Variants in KAZN observed in about 807,000 individuals in gnomAD.
KAZN encodes the protein kazrin, periplakin interacting protein.
In KAZN, 40 loss-of-function variants were observed where a neutral mutation model predicts 87.4. That is an observed-to-expected ratio of 0.46 (90% CI 0.36 to 0.60). The LOEUF (loss-of-function observed/expected upper bound fraction) is 0.60. KAZN is among the 20% of genes least tolerant of loss of function. The probability of loss-of-function intolerance (pLI) is 0.00; values close to 1 mark genes in which losing one functional copy is unlikely to be tolerated. For missense variants in KAZN, 898 were observed against 1,073.9 expected (o/e 0.84, Z 2.29); for synonymous variants, 466 against 458.3 (o/e 1.02, Z -0.22).
At chr1:14,961,725 C>A (rs916577961) in intron 2 of KAZN, among the ~76,000 whole-genome samples, 6 of 152,212 alleles carry the variant, frequency 3.9e-5, no homozygotes, top group Non-Finnish European at 7.3e-5. Flanking sequence ...AGCTTTGCAA[C>A]CTTCTTTCCA....
intron 2 of KAZN, among the ~76,000 whole-genome samples, chr1:14,312,698 CA>C (rs536198400): frequency 2.6e-5 from 4 of 152,020 alleles, no homozygotes; most frequent in Non-Finnish European, 5.9e-5. Context: ...GATGAGATAT[CA>C]CTTGAATGAT....
chr1:15,041,125 ATTT>A (rs376156652), intron 3 of KAZN, among the ~76,000 whole-genome samples: 40 of 139,090 alleles, frequency 2.9e-4, no homozygotes, highest in Non-Finnish European at 4.4e-4. Flanking sequence ...GAATTTTTGT[ATTT>A]TTTTTTTTTT....
intron 1 of KAZN, among the ~76,000 whole-genome samples, chr1:14,861,264 C>T (rs1572671628): frequency 1.3e-5 from 2 of 152,204 alleles, no homozygotes; most frequent in Admixed American, 1.3e-4. Flanking sequence ...CTGTAGTCCC[C>T]CCTACTTGGG....
intron 2 of KAZN, among the ~76,000 whole-genome samples, chr1:14,436,133 G>A (rs754898358): frequency 1.3e-5 from 2 of 152,076 alleles, no homozygotes; most frequent in Non-Finnish European, 2.9e-5. Flanking sequence ...GGAGGCTGAG[G>A]CAGGAGACTC....
chr1:14,541,568 G>A (rs1017723180), intron 2 of KAZN, among the ~76,000 whole-genome samples: 7 of 152,100 alleles, frequency 4.6e-5, no homozygotes, highest in African/African-American at 9.7e-5. Context: ...TCAACCCTTC[G>A]TGCTTCCTCT....
intron 1 of KAZN, among the ~76,000 whole-genome samples, chr1:14,713,266 C>A (rs1642585772): frequency 6.6e-6 from 1 of 152,210 alleles, no homozygotes; most frequent in African/African-American, 2.4e-5. Context: ...TCTGCTTGTT[C>A]CATGGGTGCT....
At chr1:14,330,974 G>C (rs1478887521) in intron 2 of KAZN, among the ~76,000 whole-genome samples, 3 of 151,916 alleles carry the variant, frequency 2.0e-5, no homozygotes, top group Non-Finnish European at 4.4e-5. Context: ...ATTGGTGTGT[G>C]TACACAAAGG....
At chr1:15,084,241 GA>G (rs1281429344) in intron 8 of KAZN, among the ~76,000 whole-genome samples, 2 of 152,214 alleles carry the variant, frequency 1.3e-5, no homozygotes, top group Non-Finnish European at 2.9e-5. Context: ...AATATGGAAA[GA>G]CTTGGCTGAT....
At chr1:15,045,897 C>T (rs1381774171) in intron 4 of KAZN, among the ~76,000 whole-genome samples, 2 of 152,228 alleles carry the variant, frequency 1.3e-5, no homozygotes, top group Non-Finnish European at 2.9e-5. Context: ...CCTGGTCCTT[C>T]CCTTGACACG....
At chr1:14,465,492 C>A (rs1455945280) in intron 2 of KAZN, among the ~76,000 whole-genome samples, 1 of 151,598 alleles carries the variant, frequency 6.6e-6, no homozygotes, top group Non-Finnish European at 1.5e-5. Flanking sequence ...ACTTGGAGCA[C>A]CTGCATAGCT....
intron 1 of KAZN, among the ~76,000 whole-genome samples, chr1:14,824,899 C>T (rs1646840088): frequency 6.6e-6 from 1 of 152,250 alleles, no homozygotes; most frequent in South Asian, 2.1e-4. Flanking sequence ...CCCTTCTAGG[C>T]TCTACATTTA....
chr1:14,556,468 T>A (rs1277531694), intron 2 of KAZN, among the ~76,000 whole-genome samples: 1 of 152,144 alleles, frequency 6.6e-6, no homozygotes, highest in Non-Finnish European at 1.5e-5. Flanking sequence ...GAAAATTAAA[T>A]TTTTAGACAG....
intron 2 of KAZN, among the ~76,000 whole-genome samples, chr1:14,387,359 A>T (rs1174545722): frequency 6.6e-6 from 1 of 152,206 alleles, no homozygotes; most frequent in Non-Finnish European, 1.5e-5. Context: ...CTGGTGAGGA[A>T]CTGCGTTCCT....
intron 4 of KAZN, among the ~76,000 whole-genome samples, chr1:15,045,741 A>G (rs917954093): frequency 6.6e-6 from 1 of 152,202 alleles, no homozygotes; most frequent in African/African-American, 2.4e-5. Flanking sequence ...AAGGAGAAAC[A>G]AGGCACCTTC....
chr1:14,417,006 A>G (rs1382788360), intron 2 of KAZN, among the ~76,000 whole-genome samples: 3 of 68,270 alleles, frequency 4.4e-5, no homozygotes, highest in Non-Finnish European at 6.4e-5. Flanking sequence ...GTATGTATAT[A>G]TATGTACACA....
intron 2 of KAZN, among the ~76,000 whole-genome samples, chr1:15,007,686 C>G (rs566052354): frequency 2.6e-5 from 4 of 152,178 alleles, no homozygotes; most frequent in Admixed American, 6.5e-5. Flanking sequence ...CTCACCTGCC[C>G]GCCTCCATAA....
chr1:14,883,355 A>AAAAGAAAGAAAGAG (rs1653624782), intron 1 of KAZN, among the ~76,000 whole-genome samples: 1 of 20,600 alleles, frequency 4.9e-5, no homozygotes, highest in African/African-American at 1.5e-4. Context: ...AGAAAGAAAG[A>AAAAGAAAGAAAGAG]AAAGAAAGAA....
chr1:14,039,143 C>T (rs1412407019), intron 1 of KAZN, among the ~76,000 whole-genome samples: 1 of 148,442 alleles, frequency 6.7e-6, no homozygotes, highest in Non-Finnish European at 1.5e-5. Flanking sequence ...TGCACTCCAG[C>T]CTGGCGTCAG....
intron 1 of KAZN, among the ~76,000 whole-genome samples, chr1:14,935,629 AG>A (rs1660363302): frequency 6.6e-6 from 1 of 152,186 alleles, no homozygotes; most frequent in Non-Finnish European, 1.5e-5. Flanking sequence ...CCACTGAGCA[AG>A]GTGGCTCTAG....
Sources: allele counts gnomAD v4.1 joint callset (sites outside exome capture counted in the v4.1 genomes callset), GRCh38; gene constraint gnomAD v4.1.1; transcripts MANE v1.5; gene names NCBI Gene and HGNC (gene_info 2026-07-23, HGNC 2026-07-21).